PCSK6: variants seen among roughly 807,000 people sequenced by gnomAD.
The protein encoded by PCSK6 is paired basic amino acid cleaving enzyme 4.
In PCSK6, 85 loss-of-function variants were observed where a neutral mutation model predicts 123.3. The ratio of observed to expected loss-of-function variants is 0.69; its 90% CI spans 0.58 to 0.83. PCSK6 has a LOEUF of 0.83. PCSK6 is among the 40% of genes least tolerant of loss of function. The pLI is 0.00. For missense variants in PCSK6, 1,191 were observed against 1,282.3 expected (o/e 0.93, Z 1.09); for synonymous variants, 508 against 516.0 (o/e 0.98, Z 0.21).
At chr15:101,363,030 C>T (rs2041281387) in intron 13 of PCSK6, among the ~76,000 whole-genome samples, 2 of 152,190 alleles carry the variant, frequency 1.3e-5, no homozygotes, top group Admixed American at 6.5e-5. Flanking sequence ...CCAGTGATGG[C>T]CATGGCAGGC....
chr15:101,341,415 C>T (rs2040604829), intron 13 of PCSK6, among the ~76,000 whole-genome samples: 1 of 151,974 alleles, frequency 6.6e-6, no homozygotes, highest in Non-Finnish European at 1.5e-5. Context: ...GCGCCTGCCA[C>T]CACGCCTGGC....
At chr15:101,429,530 C>G (rs2056376225) in intron 5 of PCSK6, among the ~76,000 whole-genome samples, 1 of 152,140 alleles carries the variant, frequency 6.6e-6, no homozygotes, top group African/African-American at 2.4e-5. Context: ...AGTGGGAGAG[C>G]TGCGATCTGA....
At chr15:101,462,739 A>C (rs559981697) in intron 1 of PCSK6, among the ~76,000 whole-genome samples, 4 of 152,388 alleles carry the variant, frequency 2.6e-5, no homozygotes, top group Admixed American at 2.0e-4. Flanking sequence ...ACTTCACATC[A>C]AACACAAAAC....
intron 1 of PCSK6, among the ~76,000 whole-genome samples, chr15:101,472,585 G>C (rs879938420): frequency 6.6e-6 from 1 of 152,214 alleles, no homozygotes; most frequent in Non-Finnish European, 1.5e-5. Context: ...CAATGGTGGC[G>C]CCTGGTCACT....
Position 101,304,405 on chromosome 15 carries a change from A to G in PCSK6, c.*853T>C, listed in dbSNP as rs1342836426. ...AATGGGAAGTGATGGATGATTAACA[A>G]TGCATGGCTGGCTTTACATTTTGTT... is the stretch of plus-strand genomic sequence containing the variant. On this transcript the variant is annotated 3_prime_UTR_variant, in exon 22 of 22. Transcript: ENST00000611716. The G allele has an allele frequency of 6.6e-6, 1 of 152,444 alleles. No homozygotes were observed. The highest frequency in any genetic ancestry group is 2.4e-5 in the African/African-American group (1 of 41,580). 9.4% of individuals were successfully genotyped at this position (152,444 alleles called of 1,614,324 possible).
chr15:101,397,365 A>G lies in PCSK6; in HGVS notation c.996+1039T>C, dbSNP rs528869032. The stretch of plus-strand genomic sequence containing the variant: ...GCTGTTTGCAGTATAATCTCTTCCT[A>G]CTATCCGACTGACTTACTAGCTGTT... On this transcript the variant is annotated intron_variant, in intron 7 of 21. Coordinates refer to ENST00000611716, the MANE Select transcript of PCSK6 (RefSeq NM_002570.5). Among the ~76,000 whole-genome samples, 10 of 152,294 alleles carry G rather than the reference A, an allele frequency of 6.6e-5. 1 individual carries two copies. The South Asian group carries it at 2.1e-3, about 32-fold the overall frequency.
At chr15:101,318,073 T>C (rs932052247) in intron 19 of PCSK6, among the ~76,000 whole-genome samples, 4 of 152,252 alleles carry the variant, frequency 2.6e-5, no homozygotes, top group Non-Finnish European at 5.9e-5. Flanking sequence ...TATGTAACCA[T>C]TGCCAGCATC....
intron 13 of PCSK6, among the ~76,000 whole-genome samples, chr15:101,334,951 G>C (rs1209540409): frequency 6.6e-6 from 1 of 152,092 alleles, no homozygotes; most frequent in African/African-American, 2.4e-5. Flanking sequence ...TTATGTGTGT[G>C]TGTGTGTATG....
At chr15:101,326,211 C>T (rs1046260523) in intron 16 of PCSK6, among the ~76,000 whole-genome samples, 166 bp downstream of exon 16, 1 of 152,238 alleles carries the variant, frequency 6.6e-6, no homozygotes, top group Non-Finnish European at 1.5e-5. Flanking sequence ...GATAGGAATG[C>T]CAAGTTACTA....
chr15:101,351,973 A>C (rs998447093), intron 13 of PCSK6, among the ~76,000 whole-genome samples: 3 of 152,092 alleles, frequency 2.0e-5, no homozygotes, highest in Non-Finnish European at 4.4e-5. Flanking sequence ...GTTTTACACT[A>C]TAATGGGAGA....
intron 13 of PCSK6, among the ~76,000 whole-genome samples, chr15:101,354,490 C>T (rs780865174): frequency 1.8e-4 from 27 of 152,372 alleles, no homozygotes; most frequent in Non-Finnish European, 3.4e-4. Context: ...ACGTGTCCCA[C>T]GGCACATTGA....
At chr15:101,348,334 C>A (rs2040797278) in intron 13 of PCSK6, among the ~76,000 whole-genome samples, 1 of 152,246 alleles carries the variant, frequency 6.6e-6, no homozygotes, top group Admixed American at 6.5e-5. Flanking sequence ...AGGGCTGGGC[C>A]AGTCTGGGGA....
At chr15:101,444,791 T>C (rs1297352266) in intron 1 of PCSK6, among the ~76,000 whole-genome samples, 1 of 152,214 alleles carries the variant, frequency 6.6e-6, no homozygotes, top group Non-Finnish European at 1.5e-5. Context: ...ACCTCATTCA[T>C]AGCCATTTAG....
intron 13 of PCSK6, among the ~76,000 whole-genome samples, chr15:101,360,178 G>A (rs1362073410): frequency 1.3e-5 from 2 of 152,056 alleles, no homozygotes; most frequent in African/African-American, 2.4e-5. Context: ...CTGCCCCGTC[G>A]GAGTCACCTT....
At chr15:101,424,285 GAAC>G (rs55675529) in intron 6 of PCSK6, among the ~76,000 whole-genome samples, 14,639 of 150,728 alleles carry the variant, frequency 0.097, 839 homozygotes, top group South Asian at 0.17. Context: ...TCTTAAAAGG[GAAC>G]AACAATAAGG....
At chr15:101,453,300 G>T (rs529490221) in intron 1 of PCSK6, among the ~76,000 whole-genome samples, 1 of 152,280 alleles carries the variant, frequency 6.6e-6, no homozygotes, top group Admixed American at 6.5e-5. Flanking sequence ...TGTGCCCAGG[G>T]CCCATACCTC....
chr15:101,409,787 G>A (rs2042892441), intron 6 of PCSK6, among the ~76,000 whole-genome samples: 2 of 152,260 alleles, frequency 1.3e-5, no homozygotes, highest in East Asian at 1.9e-4. Flanking sequence ...GAGAGAGCAG[G>A]TTCCACTCCG....
chr15:101,353,957 A>G (rs945570173), intron 13 of PCSK6, among the ~76,000 whole-genome samples: 5 of 152,230 alleles, frequency 3.3e-5, no homozygotes, highest in African/African-American at 1.2e-4. Context: ...TCATGCTGGT[A>G]AGGCTCAGCA....
intron 1 of PCSK6, among the ~76,000 whole-genome samples, chr15:101,450,446 C>T (rs1034973944): frequency 6.6e-6 from 1 of 152,190 alleles, no homozygotes; most frequent in Non-Finnish European, 1.5e-5. Flanking sequence ...AGGAAGCCCT[C>T]TCAGGCCTCC....
Sources: gnomAD v4.1 joint callset for allele counts (sites outside exome capture counted in the v4.1 genomes callset) on GRCh38, gnomAD v4.1.1 for gene constraint, MANE v1.5 for transcripts, NCBI Gene and HGNC (gene_info 2026-07-23, HGNC 2026-07-21) for gene names.